ARL15: variants seen among roughly 807,000 people sequenced by gnomAD.
The protein encoded by ARL15 is ADP-ribosylation factor-like protein 15.
A neutral mutation model predicts 25.2 loss-of-function variants in ARL15; 19 were observed. The observed-to-expected ratio is 0.75, with a 90% CI of 0.53 to 1.10. The LOEUF is 1.10. Ranked by LOEUF, ARL15 falls within the 50% of genes least tolerant of loss-of-function variation. ARL15 has a pLI of 0.00. For missense variants in ARL15, 220 were observed against 246.0 expected (o/e 0.89, Z 0.71); for synonymous variants, 94 against 86.8 (o/e 1.08, Z -0.46).
intron 1 of ARL15, among the ~76,000 whole-genome samples, chr5:54,244,608 TTATAAA>T (rs1394424458): frequency 6.6e-6 from 1 of 152,196 alleles, no homozygotes; most frequent in Non-Finnish European, 1.5e-5. Flanking sequence ...TAACTTCCTG[TTATAAA>T]TATAAAGTAA....
intron 4 of ARL15, among the ~76,000 whole-genome samples, chr5:54,017,001 A>G (rs1749446770): frequency 6.6e-6 from 1 of 152,204 alleles, no homozygotes. Flanking sequence ...AAGAAAGTGA[A>G]TTTGCCAACA....
chr5:54,195,278 A>G (rs1488197461), intron 1 of ARL15, among the ~76,000 whole-genome samples: 1 of 152,186 alleles, frequency 6.6e-6, no homozygotes, highest in Non-Finnish European at 1.5e-5. Flanking sequence ...GACATCATCA[A>G]TGAAAATACA....
At chr5:54,061,402 G>C (rs977626661) in intron 4 of ARL15, among the ~76,000 whole-genome samples, 1 of 152,136 alleles carries the variant, frequency 6.6e-6, no homozygotes, top group Admixed American at 6.5e-5. Context: ...CTGAGGTCAG[G>C]AGTTCGAGAC....
rs534377768 is a variant in ARL15 at position 54,047,492 on chromosome 5, C to A, written c.462+65710G>T. Among the ~76,000 whole-genome samples the A allele has an allele frequency of 5.9e-5, 9 of 152,248 alleles. 1 individual carries two copies. The South Asian group carries it at 1.9e-3, about 32-fold the overall frequency. On this transcript the variant is annotated intron_variant, in intron 4 of 4. Transcript: ENST00000504924. ...TTAGCCACAGCAGAAAAAGAGACAA[C>A]CCCTATTACAACATCTTCATATAAA... is the stretch of plus-strand genomic sequence containing the variant.
intron 1 of ARL15, among the ~76,000 whole-genome samples, chr5:54,254,727 T>C (rs894657163): frequency 6.6e-6 from 1 of 152,048 alleles, no homozygotes; most frequent in Admixed American, 6.5e-5. Context: ...ACGAGTTACG[T>C]GGCTGGCACA....
chr5:54,272,482 A>G (rs1448503542), intron 1 of ARL15, among the ~76,000 whole-genome samples: 1 of 152,142 alleles, frequency 6.6e-6, no homozygotes, highest in Non-Finnish European at 1.5e-5. Flanking sequence ...TAGGGTGGAA[A>G]TTTCCATCAA....
chr5:54,265,977 G>A (rs1410561423), intron 1 of ARL15, among the ~76,000 whole-genome samples: 3 of 152,184 alleles, frequency 2.0e-5, no homozygotes, highest in Non-Finnish European at 4.4e-5. Context: ...GTTCAGAGAT[G>A]TTAAGTGACT....
intron 4 of ARL15, among the ~76,000 whole-genome samples, chr5:53,979,859 G>A (rs868451158): frequency 7.3e-6 from 1 of 136,582 alleles, no homozygotes. Flanking sequence ...GTGTGTGTGT[G>A]TGTGTGTGTG....
intron 1 of ARL15, among the ~76,000 whole-genome samples, chr5:54,239,252 G>A (rs1199612931): frequency 1.3e-5 from 2 of 150,254 alleles, no homozygotes; most frequent in Non-Finnish European, 1.5e-5. Flanking sequence ...TTTTGGAAAA[G>A]TAACTAACCC....
intron 1 of ARL15, among the ~76,000 whole-genome samples, chr5:54,302,833 G>T (rs1220360344): frequency 6.6e-6 from 1 of 151,892 alleles, no homozygotes; most frequent in Non-Finnish European, 1.5e-5. Context: ...CAGACACTCG[G>T]AAAATGAGGG....
intron 3 of ARL15, among the ~76,000 whole-genome samples, chr5:54,134,535 T>C (rs892237597): frequency 2.1e-5 from 3 of 142,994 alleles, no homozygotes; most frequent in Admixed American, 6.9e-5. Context: ...TATTATTCCC[T>C]ATAGCCTGTG....
chr5:54,173,829 C>T (rs191075719), intron 1 of ARL15, among the ~76,000 whole-genome samples: 42 of 152,196 alleles, frequency 2.8e-4, no homozygotes, highest in Admixed American at 6.5e-4. Flanking sequence ...CTGCTCCAGC[C>T]AAGCTCACCA....
intron 4 of ARL15, among the ~76,000 whole-genome samples, chr5:53,907,166 C>T (rs1745272381): frequency 1.3e-5 from 2 of 151,930 alleles, no homozygotes; most frequent in Admixed American, 1.3e-4. Flanking sequence ...CATTTAACTA[C>T]TACATGGCCA....
At chr5:54,233,332 G>A (rs1756722162) in intron 1 of ARL15, among the ~76,000 whole-genome samples, 1 of 152,074 alleles carries the variant, frequency 6.6e-6, no homozygotes, top group South Asian at 2.1e-4. Context: ...TCGAACTTGG[G>A]TATTTCACAG....
intron 1 of ARL15, among the ~76,000 whole-genome samples, chr5:54,262,391 G>A (rs1323798154): frequency 6.6e-6 from 1 of 152,138 alleles, no homozygotes; most frequent in Non-Finnish European, 1.5e-5. Flanking sequence ...AAACAGCAGG[G>A]CCTGAATCAG....
At chr5:53,923,691 A>C (rs1411584056) in intron 4 of ARL15, among the ~76,000 whole-genome samples, 1 of 152,142 alleles carries the variant, frequency 6.6e-6, no homozygotes, top group Non-Finnish European at 1.5e-5. Context: ...TTTTTAAACA[A>C]TACATTTTTA....
chr5:54,115,850 TGGA>T (rs1332644804), intron 3 of ARL15, among the ~76,000 whole-genome samples: 1 of 152,080 alleles, frequency 6.6e-6, no homozygotes, highest in Non-Finnish European at 1.5e-5. Flanking sequence ...TAGGTGGTGG[TGGA>T]ACTAAGGAAA....
intron 3 of ARL15, among the ~76,000 whole-genome samples, chr5:54,147,583 T>C (rs1313930159): frequency 6.6e-6 from 1 of 152,192 alleles, no homozygotes; most frequent in African/African-American, 2.4e-5. Context: ...GATTTACCTA[T>C]AGTAAGGTCA....
At chr5:53,907,471 TA>T in intron 4 of ARL15, among the ~76,000 whole-genome samples, 2 of 25,578 alleles carry the variant, frequency 7.8e-5, no homozygotes, top group Non-Finnish European at 1.7e-4. Context: ...TATATATATA[TA>T]TATATATATA....
Sources: gnomAD v4.1 joint callset for allele counts (sites outside exome capture counted in the v4.1 genomes callset) on GRCh38, gnomAD v4.1.1 for gene constraint, MANE v1.5 for transcripts, NCBI Gene and HGNC (gene_info 2026-07-23, HGNC 2026-07-21) for gene names.